The following EPHA6 variants were observed in gnomAD, a reference collection of about 807,000 sequenced individuals.
EPHA6 encodes ephrin type-A receptor 6.
Under a neutral mutation model 112.0 loss-of-function variants are expected in EPHA6, and 50 were observed. That is an observed-to-expected ratio of 0.45 (90% CI 0.36 to 0.56). EPHA6 has a LOEUF of 0.56. Among genes scored for constraint, EPHA6 ranks in the 20% least tolerant of loss-of-function variants. The pLI is 0.00. For missense variants in EPHA6, 1,280 were observed against 1,417.4 expected, an observed-to-expected ratio of 0.90 and a Z score of 1.56; for synonymous variants, 529 against 490.7, an observed-to-expected ratio of 1.08 and a Z score of -1.03.
intron 16 of EPHA6, among the ~76,000 whole-genome samples, chr3:97,743,340 C>CA (rs909268593): frequency 6.6e-6 from 1 of 152,016 alleles, no homozygotes; most frequent in Non-Finnish European, 1.5e-5. Flanking sequence ...AGTGCCTACA[C>CA]AAAAACAGAG....
intron 13 of EPHA6, among the ~76,000 whole-genome samples, chr3:97,618,760 G>T (rs2093787597): frequency 6.6e-6 from 1 of 152,058 alleles, no homozygotes; most frequent in East Asian, 1.9e-4. Flanking sequence ...TGAAATTGAG[G>T]AAATAATAAA....
rs115420708 is a variant in EPHA6 at position 96,862,338 on chromosome 3, T to C, written c.386-4487T>C. ...CTGTTACTGAGTGACTTAGTAACTT[T>C]ACTTAGTAACTCAGAACCTTAAGCT... On this transcript the variant is annotated intron_variant, in intron 1 of 17. Coordinates refer to ENST00000389672, the MANE Select transcript of EPHA6 (RefSeq NM_001080448.3). Among the ~76,000 whole-genome samples, 979 of 152,006 alleles carry C rather than the reference T, an allele frequency of 6.4e-3. 8 individuals are homozygous for C. Among genetic ancestry groups the C allele is most frequent in the African/African-American group, 0.023 (940 of 41,524 alleles).
intron 15 of EPHA6, among the ~76,000 whole-genome samples, chr3:97,725,606 T>C (rs2034726987): frequency 6.6e-6 from 1 of 152,164 alleles, no homozygotes; most frequent in Admixed American, 6.5e-5. Context: ...CAGATGTTAT[T>C]GAAAAGACCA....
chr3:96,901,303 A>AT (rs1214425515), intron 2 of EPHA6, among the ~76,000 whole-genome samples: 1 of 152,098 alleles, frequency 6.6e-6, no homozygotes, highest in African/African-American at 2.4e-5. Flanking sequence ...AAATAACCTG[A>AT]TTTTTGTAAC....
chr3:97,335,574 C>T lies in EPHA6; in HGVS notation c.1607-69576C>T, dbSNP rs537961994. Among the ~76,000 whole-genome samples, 11 of 152,138 alleles carry T rather than the reference C, an allele frequency of 7.2e-5. No homozygotes were observed. In the South Asian group the frequency reaches 2.3e-3, roughly 32 times the overall value. ...TCCTTTATGGCACTATTGGCTTTTT[C>T]GACCATGCACCTCAAAACTTTTCTA... is the stretch of plus-strand genomic sequence containing the variant. On this transcript the variant is annotated intron_variant, in intron 5 of 17. Transcript: ENST00000389672.
chr3:96,993,511 G>A (rs1156732817), intron 3 of EPHA6, among the ~76,000 whole-genome samples: 1 of 151,980 alleles, frequency 6.6e-6, no homozygotes, highest in East Asian at 1.9e-4. Context: ...GGGATTACAG[G>A]CATGAGCCAC....
chr3:97,336,068 G>T (rs1199705557), intron 5 of EPHA6, among the ~76,000 whole-genome samples: 1 of 152,088 alleles, frequency 6.6e-6, no homozygotes, highest in East Asian at 1.9e-4. Context: ...CTATCTCCAG[G>T]AACAACTTGG....
intron 14 of EPHA6, among the ~76,000 whole-genome samples, chr3:97,706,856 G>T (rs1453481794): frequency 6.6e-6 from 1 of 151,086 alleles, no homozygotes; most frequent in South Asian, 2.1e-4. Context: ...CCTCTGTGCT[G>T]TTATTATTTA....
At chr3:96,926,683 T>G (rs1298610948) in intron 2 of EPHA6, among the ~76,000 whole-genome samples, 1 of 152,246 alleles carries the variant, frequency 6.6e-6, no homozygotes, top group Non-Finnish European at 1.5e-5. Flanking sequence ...GCATGGCAGT[T>G]CTTAAATCTT....
chr3:97,537,671 C>G (rs2092782815), intron 11 of EPHA6, among the ~76,000 whole-genome samples: 1 of 152,130 alleles, frequency 6.6e-6, no homozygotes, highest in African/African-American at 2.4e-5. Flanking sequence ...CTCCACCTCC[C>G]AGGTTCAAGT....
At chr3:97,490,033 C>T (rs1169528650) in intron 10 of EPHA6, among the ~76,000 whole-genome samples, 2 of 152,050 alleles carry the variant, frequency 1.3e-5, no homozygotes, top group African/African-American at 2.4e-5. Flanking sequence ...ATTTCCAAAA[C>T]TTGCAAGTTG....
chr3:97,305,315 C>T (rs1465735599), intron 5 of EPHA6, among the ~76,000 whole-genome samples: 2 of 151,538 alleles, frequency 1.3e-5, no homozygotes, highest in African/African-American at 4.8e-5. Context: ...GTGGCAATTC[C>T]TCAAAGACCT....
rs1369509820 is a variant in EPHA6, at chr3:97,481,416, G to T, written c.2074+2052G>T. ...TTTTTGCTGTGGGTTTTATCTGTTC[G>T]CCTTTCTCCAAAATAATACAGGCTT... On this transcript the variant is annotated intron_variant, in intron 9 of 17. Transcript: ENST00000389672. 2.1e-6 allele frequency: 3 copies of T among 1,429,176 alleles called. No individual in the cohort carries two copies. The East Asian group carries it at 7.0e-5, about 33-fold the overall frequency. 88.5% of individuals were successfully genotyped at this position (1,429,176 alleles called of 1,614,324 possible).
At chr3:97,165,216 C>A (rs2076511536) in intron 3 of EPHA6, among the ~76,000 whole-genome samples, 1 of 152,036 alleles carries the variant, frequency 6.6e-6, no homozygotes, top group Non-Finnish European at 1.5e-5. Flanking sequence ...TAATCTTTTC[C>A]TTGGAGATAC....
intron 10 of EPHA6, among the ~76,000 whole-genome samples, chr3:97,508,467 C>T (rs761942917): frequency 1.3e-5 from 2 of 152,112 alleles, no homozygotes; most frequent in Admixed American, 6.6e-5. Context: ...TGTAGTTGTG[C>T]AGTTTTGCGT....
intron 3 of EPHA6, among the ~76,000 whole-genome samples, chr3:97,122,707 A>T (rs2048074250): frequency 6.6e-6 from 1 of 152,006 alleles, no homozygotes. Context: ...TGTCACCAAG[A>T]GCCTTATAAG....
intron 2 of EPHA6, among the ~76,000 whole-genome samples, chr3:96,903,593 C>A (rs1329821476): frequency 6.6e-6 from 1 of 151,886 alleles, no homozygotes; most frequent in Non-Finnish European, 1.5e-5. Context: ...AGTTTTTACC[C>A]CAAATTATCA....
chr3:97,202,822 T>C (rs1363231795), intron 3 of EPHA6, among the ~76,000 whole-genome samples: 1 of 152,148 alleles, frequency 6.6e-6, no homozygotes, highest in African/African-American at 2.4e-5. Context: ...TGTTTTCTGC[T>C]CTTGAGAATA....
intron 5 of EPHA6, among the ~76,000 whole-genome samples, chr3:97,367,278 AAATAGAG>A (rs1229642448): frequency 1.3e-5 from 2 of 152,190 alleles, no homozygotes; most frequent in Non-Finnish European, 2.9e-5. Context: ...TTTTTAAAGT[AAATAGAG>A]AATAAAGTAG....
Sources: gnomAD v4.1 joint callset for allele counts (sites outside exome capture counted in the v4.1 genomes callset) on GRCh38, gnomAD v4.1.1 for gene constraint, MANE v1.5 for transcripts, NCBI Gene and HGNC (gene_info 2026-07-23, HGNC 2026-07-21) for gene names.